The following TTC3 variants were observed in gnomAD, a reference collection of about 807,000 sequenced individuals.
TTC3 encodes E3 ubiquitin-protein ligase TTC3.
Under a neutral mutation model 249.6 loss-of-function variants are expected in TTC3, and 180 were observed. The observed-to-expected ratio is 0.72, with a 90% CI of 0.64 to 0.82. TTC3 has a LOEUF of 0.82. TTC3 is among the 40% of genes least tolerant of loss of function. The pLI, the probability that TTC3 is intolerant of heterozygous loss-of-function variation, is 0.00. For synonymous variants in TTC3, 717 were observed against 805.0 expected (o/e 0.89, Z 1.85); for missense variants, 2,061 against 2,398.4 (o/e 0.86, Z 2.94).
intron 1 of TTC3, among the ~76,000 whole-genome samples, 171 bp downstream of exon 1, chr21:37,073,644 G>C (rs1482947106): frequency 2.0e-5 from 3 of 152,152 alleles, no homozygotes; most frequent in African/African-American, 7.2e-5. Flanking sequence ...ATGCCGGTGC[G>C]AGGGTGTGAG....
exon 46 of TTC3, chr21:37,201,575 T>C: frequency 6.2e-7 from 1 of 1,612,796 alleles, no homozygotes; most frequent in Non-Finnish European, 8.5e-7. Context: ...TTCTAGGTAG[T>C]CACACTTCAC....
chr21:37,172,833 T>C, intron 35 of TTC3, 89 bp downstream of exon 35: 1 of 1,456,398 alleles, frequency 6.9e-7, no homozygotes, highest in Non-Finnish European at 9.3e-7. Flanking sequence ...TCAGCTGAAC[T>C]TCTGCATTGG....
chr21:37,174,511 A>C (rs1178084324), intron 35 of TTC3, among the ~76,000 whole-genome samples: 1 of 143,760 alleles, frequency 7.0e-6, no homozygotes, highest in Non-Finnish European at 1.5e-5. Flanking sequence ...ACATAGAAAG[A>C]AATGAGTGGC....
rs185924162 is a variant in TTC3 at position 37,162,867 on chromosome 21, T to C, written c.3170+804T>C. Among the ~76,000 whole-genome samples, 398 of 152,246 alleles carry C rather than the reference T, an allele frequency of 2.6e-3. 3 individuals are homozygous for C. The highest frequency in any genetic ancestry group is 2.5e-3 in the Non-Finnish European group (172 of 68,018). ...ATTCAGTGTTTGGTGAGGGCCTGCT[T>C]TCTGGTTCATAGATGGTGCCTTTTT... is the stretch of plus-strand genomic sequence containing the variant. On this transcript the variant is annotated intron_variant, in intron 31 of 45. Transcript: ENST00000355666.
chr21:37,159,813 C>A, intron 29 of TTC3, 68 bp downstream of exon 29: 1 of 1,476,024 alleles, frequency 6.8e-7, no homozygotes, highest in Non-Finnish European at 9.5e-7. Context: ...AGAAGGGGAC[C>A]CAGGCCAGTG....
At chr21:37,131,869 T>C (rs2077498114) in intron 16 of TTC3, among the ~76,000 whole-genome samples, 1 of 152,168 alleles carries the variant, frequency 6.6e-6, no homozygotes, top group East Asian at 1.9e-4. Flanking sequence ...AAACTCCACA[T>C]CGAGTGCCTC....
exon 33 of TTC3, chr21:37,166,261 T>C: frequency 6.2e-7 from 1 of 1,614,184 alleles, no homozygotes; most frequent in Non-Finnish European, 8.5e-7. Context: ...CCAGCATATA[T>C]ACACCCTTGG....
chr21:37,077,064 T>G (rs1295172682), intron 1 of TTC3, among the ~76,000 whole-genome samples: 1 of 151,396 alleles, frequency 6.6e-6, no homozygotes, highest in Non-Finnish European at 1.5e-5. Flanking sequence ...CACTTCCCCA[T>G]CCATTTCCTT....
intron 39 of TTC3, among the ~76,000 whole-genome samples, chr21:37,190,130 C>CT (rs138862573): frequency 0.099 from 6,392 of 64,836 alleles, 1,016 homozygotes; most frequent in Non-Finnish European, 0.14. Context: ...CTTTTTCTTT[C>CT]TTTTTTTTTT....
chr21:37,085,343 T>C (rs974252112), intron 1 of TTC3, among the ~76,000 whole-genome samples: 6 of 152,226 alleles, frequency 3.9e-5, no homozygotes, highest in African/African-American at 1.4e-4. Flanking sequence ...GAAATATTCA[T>C]GCAGAATAGG....
chr21:37,140,646 T>A, exon 20 of TTC3: 1 of 1,609,826 alleles, frequency 6.2e-7, no homozygotes, highest in South Asian at 1.1e-5. Context: ...TACTGTGGAA[T>A]TGGAAAAGTA....
chr21:37,125,443 C>T (rs2076974054), intron 14 of TTC3, among the ~76,000 whole-genome samples: 1 of 152,152 alleles, frequency 6.6e-6, no homozygotes, highest in South Asian at 2.1e-4. Context: ...ATGTCAATAA[C>T]AACACAGTAT....
At chr21:37,075,467 A>G (rs1024500418) in intron 1 of TTC3, among the ~76,000 whole-genome samples, 12 of 152,248 alleles carry the variant, frequency 7.9e-5, no homozygotes, top group African/African-American at 2.7e-4. Context: ...TGCGTCTTCA[A>G]TTTAACCAAG....
chr21:37,135,449 C>T lies in TTC3; in HGVS notation c.1513C>T (p.Arg505Cys), dbSNP rs774751265. The T allele has an allele frequency of 1.5e-5, 25 of 1,614,012 alleles. No individual in the cohort carries two copies. Among genetic ancestry groups the T allele is most frequent in the Admixed American group, 1.0e-4 (6 of 60,018 alleles). Residue 505 changes from arginine to cysteine, a missense_variant, in exon 18 of 46, where the codon CGT becomes TGT. Coordinates refer to ENST00000355666, the Ensembl canonical transcript of TTC3. ...TGGCTATATGGCCTTATTGGAGCAGCGTTGCCGCAGCGCTGCACAGGCCTT... is the reference window on the plus strand; with the variant it reads ...TGGCTATATGGCCTTATTGGAGCAGTGTTGCCGCAGCGCTGCACAGGCCTT...
intron 32 of TTC3, among the ~76,000 whole-genome samples, chr21:37,164,828 G>A (rs2081103878): frequency 6.6e-6 from 1 of 152,106 alleles, no homozygotes; most frequent in African/African-American, 2.4e-5. Flanking sequence ...AATAAATCAA[G>A]GGCTGAGGTC....
chr21:37,150,431 T>G (rs2148005906), intron 24 of TTC3, among the ~76,000 whole-genome samples: 1 of 152,298 alleles, frequency 6.6e-6, no homozygotes, highest in East Asian at 1.9e-4. Context: ...TTTTGATAAC[T>G]TCATTTTCTT....
At chr21:37,117,204 C>T (rs996934569) in intron 11 of TTC3, among the ~76,000 whole-genome samples, 3 of 152,120 alleles carry the variant, frequency 2.0e-5, no homozygotes, top group African/African-American at 7.2e-5. Flanking sequence ...AGGAATGTAT[C>T]TAGGAGTGTG....
chr21:37,111,966 T>G (rs1195040092), intron 11 of TTC3, among the ~76,000 whole-genome samples: 1 of 150,426 alleles, frequency 6.6e-6, no homozygotes, highest in Non-Finnish European at 1.5e-5. Context: ...ACTTACGAAA[T>G]GAAGGCAGAA....
At chr21:37,151,486 T>C (rs1359489468) in intron 25 of TTC3, among the ~76,000 whole-genome samples, 1 of 152,194 alleles carries the variant, frequency 6.6e-6, no homozygotes, top group Non-Finnish European at 1.5e-5. Flanking sequence ...AGAGAATTCA[T>C]TGTAACCAGA....
Sources: allele counts gnomAD v4.1 joint callset (sites outside exome capture counted in the v4.1 genomes callset), GRCh38; gene constraint gnomAD v4.1.1; transcripts MANE v1.5; gene names NCBI Gene and HGNC (gene_info 2026-07-23, HGNC 2026-07-21).